Variants in TMEM131L observed in about 807,000 individuals in gnomAD.
TMEM131L encodes transmembrane 131 like.
A neutral mutation model predicts 192.2 loss-of-function variants in TMEM131L; 54 were observed. The ratio of observed to expected loss-of-function variants is 0.28; its 90% CI spans 0.23 to 0.35. The LOEUF (loss-of-function observed/expected upper bound fraction) is 0.35, where lower values mean the gene tolerates loss of function less well. TMEM131L is among the 10% of genes least tolerant of loss of function. The pLI is 1.00. For missense variants in TMEM131L, 1,888 were observed against 1,972.9 expected, an observed-to-expected ratio of 0.96 and a Z score of 0.82; for synonymous variants, 701 against 704.9, an observed-to-expected ratio of 0.99 and a Z score of 0.09.
intron 31 of TMEM131L, 78 bp from the exon 32 acceptor site, chr4:153,632,640 G>T: frequency 6.4e-7 from 1 of 1,565,512 alleles, no homozygotes; most frequent in Non-Finnish European, 8.7e-7. Flanking sequence ...GTTTTCTGGA[G>T]GGAAGGGCAG....
chr4:153,598,621 G>A lies in TMEM131L; in HGVS notation c.2155G>A (p.Val719Met), dbSNP rs375690251. 60 of 1,613,686 alleles carry A rather than the reference G, an allele frequency of 3.7e-5. No individual in the cohort carries two copies. Among genetic ancestry groups the A allele is most frequent in the South Asian group, 2.7e-4 (25 of 91,076 alleles). Residue 719 changes from valine (V) to methionine (M), a missense_variant, in exon 21 of 35, where the codon GTG becomes ATG. Coordinates refer to ENST00000409959, the MANE Select transcript of TMEM131L (RefSeq NM_001131007.2). ...CTTGACTGTTATTGACATGATTGGC[G>A]TGGAAGGATTTGGAGCAAGAGAGTT... ...NNLTVIDMIG[V>M]EGFGARELLK...
chr4:153,501,076 C>G (rs562982502), intron 3 of TMEM131L, among the ~76,000 whole-genome samples: 1 of 152,278 alleles, frequency 6.6e-6, no homozygotes, highest in South Asian at 2.1e-4. Flanking sequence ...AAGTACCCTG[C>G]ACAGTGGATT....
intron 3 of TMEM131L, among the ~76,000 whole-genome samples, chr4:153,486,488 A>G (rs1282159788): frequency 6.6e-6 from 1 of 152,198 alleles, no homozygotes; most frequent in Non-Finnish European, 1.5e-5. Flanking sequence ...GTCACTTAAC[A>G]AGAAGCCTGG....
intron 3 of TMEM131L, among the ~76,000 whole-genome samples, chr4:153,484,266 T>C (rs1416602441): frequency 6.6e-6 from 1 of 152,174 alleles, no homozygotes; most frequent in East Asian, 1.9e-4. Context: ...ATAATTGCTG[T>C]GGTAGTCTAG....
At chr4:153,568,796 T>A (rs1332604128) in intron 7 of TMEM131L, among the ~76,000 whole-genome samples, 1 of 152,230 alleles carries the variant, frequency 6.6e-6, no homozygotes, top group Non-Finnish European at 1.5e-5. Flanking sequence ...ACACCTCTCT[T>A]CCTGACCAAG....
rs1732280693 is a variant in TMEM131L at position 153,485,669 on chromosome 4, CAG to C, written c.239+11782_239+11783del. ...GGTTCTGTTTGAATTACAATCCAAA[CAG>C]TGTTCGATTGGTAGTTATGACAGGT... On this transcript the variant is annotated intron_variant, in intron 3 of 34. Coordinates refer to ENST00000409959, the MANE Select transcript of TMEM131L (RefSeq NM_001131007.2). Among the ~76,000 whole-genome samples the C allele has an allele frequency of 2.0e-5, 3 of 152,272 alleles. No homozygotes were observed. The South Asian group carries it at 6.2e-4, about 32-fold the overall frequency.
At chr4:153,543,317 T>A (rs1016799489) in intron 3 of TMEM131L, among the ~76,000 whole-genome samples, 1 of 152,212 alleles carries the variant, frequency 6.6e-6, no homozygotes, top group Non-Finnish European at 1.5e-5. Flanking sequence ...TTATGTTTTT[T>A]CCTATCAGTA....
At chr4:153,476,394 T>G (rs1731539245) in intron 3 of TMEM131L, among the ~76,000 whole-genome samples, 1 of 152,330 alleles carries the variant, frequency 6.6e-6, no homozygotes, top group Admixed American at 6.5e-5. Context: ...AACTATGTAT[T>G]CAGTTAAAAT....
intron 15 of TMEM131L, among the ~76,000 whole-genome samples, chr4:153,588,058 T>C (rs913296104): frequency 4.8e-5 from 7 of 145,350 alleles, no homozygotes; most frequent in Non-Finnish European, 9.0e-5. Flanking sequence ...TTTTTTTTTT[T>C]CAAATAACAT....
intron 2 of TMEM131L, among the ~76,000 whole-genome samples, chr4:153,469,558 G>A (rs901248186): frequency 6.6e-6 from 1 of 152,138 alleles, no homozygotes; most frequent in East Asian, 1.9e-4. Context: ...TTTCATGCAG[G>A]AAGACTGAAA....
At chr4:153,496,041 C>T (rs1041819570) in intron 3 of TMEM131L, among the ~76,000 whole-genome samples, 6 of 152,140 alleles carry the variant, frequency 3.9e-5, no homozygotes, top group Non-Finnish European at 8.8e-5. Flanking sequence ...GCCAACAAGG[C>T]CTCCGAATGC....
intron 7 of TMEM131L, among the ~76,000 whole-genome samples, chr4:153,561,859 T>TA (rs1323678175): frequency 2.0e-5 from 3 of 152,174 alleles, no homozygotes; most frequent in Non-Finnish European, 4.4e-5. Context: ...ACAGTGTCCC[T>TA]ACTCTTGTGG....
intron 3 of TMEM131L, among the ~76,000 whole-genome samples, chr4:153,518,697 A>G (rs999061803): frequency 6.6e-6 from 1 of 152,226 alleles, no homozygotes. Flanking sequence ...TTCAGAAATA[A>G]TGATAGGCTC....
intron 3 of TMEM131L, among the ~76,000 whole-genome samples, chr4:153,536,847 G>T (rs911092671): frequency 6.6e-6 from 1 of 152,072 alleles, no homozygotes; most frequent in Non-Finnish European, 1.5e-5. Flanking sequence ...ACCAGTCCGA[G>T]TCCCAAAGCT....
intron 25 of TMEM131L, among the ~76,000 whole-genome samples, chr4:153,609,905 G>A (rs1383818998): frequency 6.6e-6 from 1 of 152,044 alleles, no homozygotes; most frequent in Non-Finnish European, 1.5e-5. Flanking sequence ...TTTCTGGTAC[G>A]GACCCTGTCT....
At chr4:153,580,244 A>G (rs948568989) in intron 7 of TMEM131L, among the ~76,000 whole-genome samples, 2 of 152,168 alleles carry the variant, frequency 1.3e-5, no homozygotes, top group Non-Finnish European at 2.9e-5. Context: ...AGATCTTTAA[A>G]TTTGACAGAG....
chr4:153,523,605 G>A (rs1033096048), intron 3 of TMEM131L, among the ~76,000 whole-genome samples: 22 of 152,260 alleles, frequency 1.4e-4, no homozygotes, highest in African/African-American at 5.1e-4. Context: ...AGAGCTGGTC[G>A]GCTAGTTGTT....
chr4:153,596,601 G>C (rs1731457820), intron 20 of TMEM131L, among the ~76,000 whole-genome samples: 1 of 152,192 alleles, frequency 6.6e-6, no homozygotes, highest in Non-Finnish European at 1.5e-5. Flanking sequence ...TAGGGAGTGT[G>C]CGTGCATGTC....
chr4:153,483,849 C>T (rs536363715), intron 3 of TMEM131L, among the ~76,000 whole-genome samples: 3 of 152,160 alleles, frequency 2.0e-5, no homozygotes, highest in Admixed American at 1.3e-4. Context: ...GCTGACATTT[C>T]GGCTTCTCTT....
Sources: gnomAD v4.1 joint callset for allele counts (sites outside exome capture counted in the v4.1 genomes callset) on GRCh38, gnomAD v4.1.1 for gene constraint, MANE v1.5 for transcripts, NCBI Gene and HGNC (gene_info 2026-07-23, HGNC 2026-07-21) for gene names.